LAPTM4B: variants seen among roughly 807,000 people sequenced by gnomAD.
LAPTM4B encodes lysosomal protein transmembrane 4 beta, also known as lysosomal-associated transmembrane protein 4B.
LAPTM4B carries 26 observed loss-of-function variants against 28.5 expected under a neutral mutation model. The ratio of observed to expected loss-of-function variants is 0.91; its 90% CI spans 0.67 to 1.27. The LOEUF (loss-of-function observed/expected upper bound fraction) is 1.27, where lower values mean the gene tolerates loss of function less well. LAPTM4B is among the 50% of genes most tolerant of loss of function. The pLI is 0.00. For synonymous variants in LAPTM4B, 109 were observed against 106.4 expected (o/e 1.02, Z -0.15); for missense variants, 288 against 285.8 (o/e 1.01, Z -0.06).
chr8:97,820,590 A>G (rs1816988205), intron 5 of LAPTM4B, among the ~76,000 whole-genome samples: 1 of 152,170 alleles, frequency 6.6e-6, no homozygotes, highest in Non-Finnish European at 1.5e-5. Flanking sequence ...CCAGTTGGCC[A>G]GGTGAAATGG....
chr8:97,776,410 C>G (rs1385157158), intron 1 of LAPTM4B, among the ~76,000 whole-genome samples: 1 of 152,236 alleles, frequency 6.6e-6, no homozygotes, highest in East Asian at 1.9e-4. Context: ...CCCGCGGCCT[C>G]GCGTAGGGCG....
In LAPTM4B at chr8:97,802,589, G is replaced by A. The variant is rs897877853; in HGVS notation, c.100-2764G>A. The stretch of plus-strand genomic sequence containing the variant: ...GCATGGTCTTTGCGACCTGTACCTT[G>A]CACCGACCTCCTATCTCATCCTGTG... On this transcript the variant is annotated intron_variant, in intron 1 of 6. Coordinates refer to ENST00000521545, the MANE Select transcript of LAPTM4B (RefSeq NM_018407.6). Among the ~76,000 whole-genome samples the A allele has an allele frequency of 2.6e-5, 4 of 152,228 alleles. No individual in the cohort carries two copies. In the East Asian group the frequency reaches 7.7e-4, roughly 29 times the overall value.
chr8:97,820,391 G>A (rs1470165062), intron 5 of LAPTM4B, among the ~76,000 whole-genome samples: 4 of 146,166 alleles, frequency 2.7e-5, no homozygotes, highest in African/African-American at 1.0e-4. Context: ...GATTACAGGT[G>A]TGAACCACTG....
chr8:97,785,099 T>G (rs1476178518), intron 1 of LAPTM4B, among the ~76,000 whole-genome samples: 1 of 152,126 alleles, frequency 6.6e-6, no homozygotes, highest in Non-Finnish European at 1.5e-5. Context: ...ACACTTTTTT[T>G]TTTTTTGAGG....
chr8:97,837,299 T>G (rs952913052), intron 6 of LAPTM4B, among the ~76,000 whole-genome samples: 3 of 151,644 alleles, frequency 2.0e-5, no homozygotes, highest in Non-Finnish European at 2.9e-5. Context: ...TTCACGTTAT[T>G]CTCCTGTCTC....
At chr8:97,785,307 C>G (rs763996387) in intron 1 of LAPTM4B, among the ~76,000 whole-genome samples, 1 of 152,038 alleles carries the variant, frequency 6.6e-6, no homozygotes, top group African/African-American at 2.4e-5. Flanking sequence ...GAACTCTTGA[C>G]CTCAGGTGAT....
At chr8:97,850,422 T>G (rs1817504780) in intron 6 of LAPTM4B, among the ~76,000 whole-genome samples, 1 of 148,746 alleles carries the variant, frequency 6.7e-6, no homozygotes, top group Non-Finnish European at 1.5e-5. Flanking sequence ...GCTCCAAGAC[T>G]GGGAGGAGAG....
At chr8:97,803,249 A>G (rs1216225800) in intron 1 of LAPTM4B, among the ~76,000 whole-genome samples, 2 of 151,666 alleles carry the variant, frequency 1.3e-5, no homozygotes, top group African/African-American at 4.8e-5. Flanking sequence ...TCCTGAAATA[A>G]CCAATTGGGA....
chr8:97,844,530 T>G (rs768313508), intron 6 of LAPTM4B, among the ~76,000 whole-genome samples: 1 of 152,178 alleles, frequency 6.6e-6, no homozygotes, highest in East Asian at 1.9e-4. Context: ...GTAGTTTCCA[T>G]TGGGGTTTTG....
At position 97,775,869 on chromosome 8, in the gene LAPTM4B, G is replaced by A. The variant is rs779855506; in HGVS notation, c.-141G>A. 2.7e-6 allele frequency: 4 copies of A among 1,503,094 alleles called. No homozygotes were observed. The highest frequency in any genetic ancestry group is 2.5e-5 in the South Asian group (2 of 80,654). 93.1% of individuals were successfully genotyped at this position (1,503,094 alleles called of 1,614,324 possible). On this transcript the variant is annotated 5_prime_UTR_variant, in exon 1 of 7. Coordinates refer to ENST00000521545, the MANE Select transcript of LAPTM4B (RefSeq NM_018407.6). ...TCGGAGCTCTCGGGGTATCGAGGAGGCAGGCCCGCGGGCGCACGGGCGAGC... is the reference window on the plus strand; with the variant it reads ...TCGGAGCTCTCGGGGTATCGAGGAGACAGGCCCGCGGGCGCACGGGCGAGC...
At chr8:97,808,661 G>GTAAT (rs959882592) in intron 2 of LAPTM4B, among the ~76,000 whole-genome samples, 2 of 151,998 alleles carry the variant, frequency 1.3e-5, no homozygotes, top group African/African-American at 4.8e-5. Context: ...ATGATGGAAA[G>GTAAT]TAATTACAGA....
intron 1 of LAPTM4B, among the ~76,000 whole-genome samples, chr8:97,795,214 G>A (rs1397862301): frequency 6.6e-6 from 1 of 151,964 alleles, no homozygotes; most frequent in Non-Finnish European, 1.5e-5. Flanking sequence ...ATCTACCTGC[G>A]TCAGCCTCCA....
chr8:97,847,060 T>C (rs1419037518), intron 6 of LAPTM4B, among the ~76,000 whole-genome samples: 1 of 152,230 alleles, frequency 6.6e-6, no homozygotes, highest in Non-Finnish European at 1.5e-5. Flanking sequence ...TGAGTTTCTT[T>C]CCCACATGTT....
chr8:97,835,877 T>C (rs1187782765), intron 6 of LAPTM4B, among the ~76,000 whole-genome samples: 1 of 126,724 alleles, frequency 7.9e-6, no homozygotes, highest in East Asian at 2.1e-4. Flanking sequence ...CAGCAGGAGG[T>C]GAGCAGCGGG....
intron 1 of LAPTM4B, among the ~76,000 whole-genome samples, chr8:97,791,477 T>C (rs1473307221): frequency 6.6e-6 from 1 of 152,160 alleles, no homozygotes; most frequent in Non-Finnish European, 1.5e-5. Flanking sequence ...AATGGTGTCT[T>C]AGCCTGAGAA....
rs1817071783 is a variant in LAPTM4B, at chr8:97,825,049, C to T, written c.508-9C>T. 2.7e-6 allele frequency: 4 copies of T among 1,469,428 alleles called. No individual in the cohort carries two copies. The highest frequency in any genetic ancestry group is 3.8e-6 in the Non-Finnish European group (4 of 1,050,280). The allele number at this position is 1,469,428 out of a possible 1,614,324, so 91.0% of individuals were successfully genotyped here. Reference sequence around the variant, plus strand: ...AATTAAAAATCTGATAATCACTCCTCATTTTCAGGGTTACTTGATTAGCTG... The same window carrying T: ...AATTAAAAATCTGATAATCACTCCTTATTTTCAGGGTTACTTGATTAGCTG... On this transcript the variant is annotated splice_polypyrimidine_tract_variant and intron_variant, in intron 5 of 6. Transcript: ENST00000521545.
At chr8:97,814,228 G>A (rs1816867817) in intron 2 of LAPTM4B, among the ~76,000 whole-genome samples, 1 of 152,146 alleles carries the variant, frequency 6.6e-6, no homozygotes. Flanking sequence ...AGAAGTTGAA[G>A]GCCAGGCATG....
intron 5 of LAPTM4B, among the ~76,000 whole-genome samples, chr8:97,820,725 C>G (rs1816990194): frequency 6.6e-6 from 1 of 151,242 alleles, no homozygotes; most frequent in Admixed American, 6.6e-5. Flanking sequence ...GAGTGAGACC[C>G]CGTCTTGTTG....
At chr8:97,818,870 G>T (rs201369154) in intron 4 of LAPTM4B, among the ~76,000 whole-genome samples, 1 of 117,966 alleles carries the variant, frequency 8.5e-6, no homozygotes. Context: ...TCTCAAAAAA[G>T]AAAAAAAAAA....
Sources: gnomAD v4.1 joint callset for allele counts (sites outside exome capture counted in the v4.1 genomes callset) on GRCh38, gnomAD v4.1.1 for gene constraint, MANE v1.5 for transcripts, NCBI Gene and HGNC (gene_info 2026-07-23, HGNC 2026-07-21) for gene names.